The following SRPK1 variants were observed in gnomAD, a reference collection of about 807,000 sequenced individuals.
The protein encoded by SRPK1 is SFRS protein kinase 1.
Under a neutral mutation model 89.5 loss-of-function variants are expected in SRPK1, and 52 were observed. The observed-to-expected ratio is 0.58, with a 90% CI of 0.46 to 0.73. SRPK1 has a LOEUF of 0.73. Ranked by LOEUF, SRPK1 falls within the 30% of genes least tolerant of loss-of-function variation. SRPK1 has a pLI of 0.00. For synonymous variants in SRPK1, 255 were observed against 270.2 expected (o/e 0.94, Z 0.55); for missense variants, 603 against 780.6 (o/e 0.77, Z 2.71).
chr6:35,869,346 A>C (rs1236911921), intron 11 of SRPK1, 136 bp downstream of exon 11: 1 of 1,103,138 alleles, frequency 9.1e-7, no homozygotes, highest in African/African-American at 1.6e-5. Context: ...AGTTAGCTAC[A>C]GATTACAATT....
intron 13 of SRPK1, among the ~76,000 whole-genome samples, chr6:35,843,803 T>C (rs936144548): frequency 6.6e-6 from 1 of 152,028 alleles, no homozygotes; most frequent in Non-Finnish European, 1.5e-5. Flanking sequence ...GTCAGGAGCC[T>C]AGCCTATGTG....
In SRPK1 at chr6:35,895,913, T is replaced by C. The variant is rs573630231; in HGVS notation, c.75-4900A>G. ...GAGAGCTTCCAGACAGCTGAATAAG[T>C]AGAGATTCCTGGAGGGTGGTACACC... On this transcript the variant is annotated intron_variant, in intron 2 of 15. Transcript: ENST00000373825. 7.9e-5 allele frequency among the ~76,000 whole-genome samples: 12 copies of C among 152,296 alleles called. No homozygotes were observed. In the South Asian group the frequency reaches 2.3e-3, roughly 29 times the overall value.
At chr6:35,855,202 T>C (rs1396575452) in intron 13 of SRPK1, among the ~76,000 whole-genome samples, 1 of 151,948 alleles carries the variant, frequency 6.6e-6, no homozygotes, top group Non-Finnish European at 1.5e-5. Flanking sequence ...CTTGGGAAGC[T>C]GAGGCAGGAG....
At chr6:35,850,104 G>C (rs144616505) in intron 13 of SRPK1, among the ~76,000 whole-genome samples, 1 of 152,016 alleles carries the variant, frequency 6.6e-6, no homozygotes, top group Non-Finnish European at 1.5e-5. Context: ...AGAAAAAAAA[G>C]GGAAAAAGGA....
At chr6:35,916,301 G>A (rs1771101706) in intron 2 of SRPK1, among the ~76,000 whole-genome samples, 1 of 151,804 alleles carries the variant, frequency 6.6e-6, no homozygotes, top group Non-Finnish European at 1.5e-5. Context: ...GCTAGATGAG[G>A]TTCTCTTTCT....
At chr6:35,853,825 A>G (rs915348705) in intron 13 of SRPK1, among the ~76,000 whole-genome samples, 1 of 152,156 alleles carries the variant, frequency 6.6e-6, no homozygotes, top group Non-Finnish European at 1.5e-5. Context: ...AGGCCAGAGA[A>G]GAAGATAATC....
rs10540061 is a variant in SRPK1 at position 35,836,754 on chromosome 6, CAATAAT to C, written c.1784-1272_1784-1267del. Among the ~76,000 whole-genome samples the C allele has an allele frequency of 5.7e-3, 820 of 143,344 alleles. 5 individuals carry two copies. Among genetic ancestry groups the C allele is most frequent in the African/African-American group, 0.015 (581 of 38,996 alleles). The allele number at this position is 143,344 out of a possible 152,430, so 94.0% of individuals were successfully genotyped here. On this transcript the variant is annotated intron_variant, in intron 15 of 15. Transcript: ENST00000373825. Reference sequence around the variant, plus strand: ...TGGGTGACAGAGTGATACCCTGTCTCAATAATAATAATAATAATAATAATAATAATA... The same window carrying C: ...TGGGTGACAGAGTGATACCCTGTCTCAATAATAATAATAATAATAATAATA...
intron 2 of SRPK1, among the ~76,000 whole-genome samples, chr6:35,916,426 A>G (rs537937228): frequency 6.6e-6 from 1 of 152,280 alleles, no homozygotes; most frequent in Admixed American, 6.5e-5. Context: ...TGCTAAGTGT[A>G]AAAAGCATCA....
At chr6:35,838,453 AG>A (rs759956437) in intron 14 of SRPK1, 24 bp from the exon 15 acceptor site, 7 of 1,547,610 alleles carry the variant, frequency 4.5e-6, no homozygotes, top group Admixed American at 2.3e-5. Flanking sequence ...ACATTTCAAG[AG>A]GGGGGAAAAA....
chr6:35,871,887 C>G (rs1770044304), intron 8 of SRPK1, among the ~76,000 whole-genome samples: 1 of 152,038 alleles, frequency 6.6e-6, no homozygotes, highest in African/African-American at 2.4e-5. Context: ...ACTACAGGCA[C>G]GCATCACTAT....
At chr6:35,902,180 C>T (rs976686570) in intron 2 of SRPK1, among the ~76,000 whole-genome samples, 12 of 135,080 alleles carry the variant, frequency 8.9e-5, no homozygotes, top group Admixed American at 1.8e-4. Flanking sequence ...GAGACCAAGG[C>T]GGGAGGAATG....
At chr6:35,876,786 C>T (rs536066819) in intron 6 of SRPK1, among the ~76,000 whole-genome samples, 1 of 152,286 alleles carries the variant, frequency 6.6e-6, no homozygotes, top group South Asian at 2.1e-4. Context: ...GGACATCAGA[C>T]AACAAGTACA....
intron 2 of SRPK1, among the ~76,000 whole-genome samples, chr6:35,911,459 A>G (rs1770957860): frequency 6.6e-6 from 1 of 152,128 alleles, no homozygotes; most frequent in Non-Finnish European, 1.5e-5. Context: ...TCACGCCTGT[A>G]ATCCCAGCAC....
chr6:35,914,491 A>G (rs74861886), intron 2 of SRPK1, among the ~76,000 whole-genome samples: 3,464 of 152,202 alleles, frequency 0.023, 145 homozygotes, highest in African/African-American at 0.079. Context: ...GTCCTCTTCC[A>G]AGTCTTTGTT....
chr6:35,863,823 A>G (rs900488162), intron 12 of SRPK1, among the ~76,000 whole-genome samples: 7 of 151,036 alleles, frequency 4.6e-5, no homozygotes, highest in African/African-American at 1.5e-4. Flanking sequence ...AAAACTCACC[A>G]GTAACAGTAA....
At chr6:35,838,630 A>G in intron 14 of SRPK1, 1 of 1,552,660 alleles carries the variant, frequency 6.4e-7, no homozygotes, top group Non-Finnish European at 8.7e-7. Context: ...TTGTGGATTC[A>G]GTGATAACTA....
At chr6:35,868,033 C>T (rs1045509465) in intron 12 of SRPK1, among the ~76,000 whole-genome samples, 12 of 151,968 alleles carry the variant, frequency 7.9e-5, no homozygotes, top group African/African-American at 2.2e-4. Context: ...AGTGCAATGG[C>T]GTGATCTTGG....
At chr6:35,882,284 G>A (rs62403666) in intron 6 of SRPK1, among the ~76,000 whole-genome samples, 3 of 149,366 alleles carry the variant, frequency 2.0e-5, no homozygotes, top group Non-Finnish European at 4.5e-5. Flanking sequence ...TTTTTTTTTG[G>A]TATAATAATT....
At chr6:35,872,064 T>C (rs1271025955) in intron 8 of SRPK1, among the ~76,000 whole-genome samples, 3 of 152,202 alleles carry the variant, frequency 2.0e-5, no homozygotes, top group Non-Finnish European at 4.4e-5. Context: ...GTATATAATA[T>C]TGTGTGGCAC....
Sources: gnomAD v4.1 joint callset for allele counts (sites outside exome capture counted in the v4.1 genomes callset) on GRCh38, gnomAD v4.1.1 for gene constraint, MANE v1.5 for transcripts, NCBI Gene and HGNC (gene_info 2026-07-23, HGNC 2026-07-21) for gene names.